The following DLD variants were observed in gnomAD, a reference collection of about 807,000 sequenced individuals.
DLD encodes the protein dihydrolipoamide dehydrogenase.
Under a neutral mutation model 62.2 loss-of-function variants are expected in DLD, and 36 were observed. The observed-to-expected ratio is 0.58, with a 90% CI of 0.44 to 0.76. The LOEUF (loss-of-function observed/expected upper bound fraction) is 0.76, where lower values mean the gene tolerates loss of function less well. Ranked by LOEUF, DLD falls within the 30% of genes least tolerant of loss-of-function variation. The probability of loss-of-function intolerance (pLI) is 0.00; values close to 1 mark genes in which losing one functional copy is unlikely to be tolerated. For missense variants in DLD, 541 were observed against 608.6 expected (o/e 0.89, Z 1.17); for synonymous variants, 204 against 199.6 (o/e 1.02, Z -0.19).
At chr7:107,900,287 T>A (rs1289595453) in intron 2 of DLD, among the ~76,000 whole-genome samples, 2 of 152,138 alleles carry the variant, frequency 1.3e-5, no homozygotes, top group African/African-American at 2.4e-5. Context: ...TTTTGAATGA[T>A]CCTACTCTAG....
intron 5 of DLD, chr7:107,903,877 G>C: frequency 3.6e-6 from 1 of 275,156 alleles, no homozygotes; most frequent in South Asian, 3.8e-5. Context: ...CACTGAGAAG[G>C]CTGGATTCCT....
At chr7:107,910,319 C>T (rs1298742144) in intron 8 of DLD, among the ~76,000 whole-genome samples, 1 of 152,152 alleles carries the variant, frequency 6.6e-6, no homozygotes, top group Admixed American at 6.6e-5. Context: ...TATCTCGAAG[C>T]AATAATTCTA....
At chr7:107,893,619 A>G (rs1160755409) in intron 2 of DLD, 3 of 182,762 alleles carry the variant, frequency 1.6e-5, no homozygotes, top group East Asian at 3.2e-4. Context: ...TTCTGAGGAG[A>G]TGATGTCTGG....
chr7:107,898,804 G>A (rs1006414787), intron 2 of DLD, among the ~76,000 whole-genome samples: 5 of 150,538 alleles, frequency 3.3e-5, no homozygotes, highest in Non-Finnish European at 7.4e-5. Flanking sequence ...TTGATCTCCT[G>A]ACCTCGTGAT....
intron 2 of DLD, among the ~76,000 whole-genome samples, chr7:107,897,943 G>T (rs577202324): frequency 1.5e-4 from 23 of 152,086 alleles, no homozygotes; most frequent in Non-Finnish European, 3.4e-4. Context: ...GTGGTAGCCT[G>T]GATAACCAGG....
chr7:107,905,630 A>G, intron 7 of DLD, 126 bp downstream of exon 7: 2 of 1,040,682 alleles, frequency 1.9e-6, no homozygotes, highest in Non-Finnish European at 2.9e-6. Flanking sequence ...ATGGTCATTC[A>G]GCTTTGGGAA....
At chr7:107,906,691 A>G (rs1439514453) in intron 8 of DLD, among the ~76,000 whole-genome samples, 1 of 152,182 alleles carries the variant, frequency 6.6e-6, no homozygotes, top group Non-Finnish European at 1.5e-5. Context: ...TGCATTCCAA[A>G]TAAAGATTAT....
At chr7:107,892,857 A>G (rs1335400773) in intron 1 of DLD, among the ~76,000 whole-genome samples, 1 of 152,196 alleles carries the variant, frequency 6.6e-6, no homozygotes, top group African/African-American at 2.4e-5. Flanking sequence ...TCAGAGCTTT[A>G]TGACATTAAA....
intron 2 of DLD, among the ~76,000 whole-genome samples, chr7:107,895,874 A>G (rs997493695): frequency 2.0e-5 from 3 of 152,206 alleles, no homozygotes; most frequent in Admixed American, 6.5e-5. Flanking sequence ...TCATTTATAT[A>G]TACACACACA....
At chr7:107,917,855 AGAT>A (rs1387103546) in intron 11 of DLD, 66 bp from the exon 12 acceptor site, 115 of 1,584,642 alleles carry the variant, frequency 7.3e-5, no homozygotes, top group Middle Eastern at 3.3e-4. Context: ...AACAAATGGT[AGAT>A]GATTTTACAA....
At chr7:107,913,584 A>G (rs760470949) in intron 8 of DLD, among the ~76,000 whole-genome samples, 3 of 150,770 alleles carry the variant, frequency 2.0e-5, no homozygotes, top group Non-Finnish European at 4.4e-5. Context: ...TTGATTTTGT[A>G]TCCTGCAACT....
At chr7:107,904,461 A>G (rs2031954418) in intron 5 of DLD, among the ~76,000 whole-genome samples, 1 of 152,164 alleles carries the variant, frequency 6.6e-6, no homozygotes, top group Admixed American at 6.5e-5. Flanking sequence ...TTTTTATCTA[A>G]TACTGTTGCT....
intron 8 of DLD, among the ~76,000 whole-genome samples, chr7:107,908,457 C>G (rs2032061637): frequency 6.6e-6 from 1 of 151,716 alleles, no homozygotes; most frequent in African/African-American, 2.4e-5. Flanking sequence ...TGCTTAAGCC[C>G]AAGAGTTTGA....
Position 107,893,265 on chromosome 7 carries a change from C to T in DLD, c.105C>T (p.Tyr35=), listed in dbSNP as rs747810875. 7.8e-5 allele frequency: 125 copies of T among 1,612,506 alleles called. No individual in the cohort carries two copies. The highest frequency in any genetic ancestry group is 9.8e-5 in the Non-Finnish European group (115 of 1,179,182). ...TTTCTGCAGTGCCTCTGAGAACTTACGCAGATCAGCCGAGTAAGTACTTAA... is the reference window on the plus strand; with the variant it reads ...TTTCTGCAGTGCCTCTGAGAACTTATGCAGATCAGCCGAGTAAGTACTTAA... ...QGLSAVPLRT[Y]ADQPIDADVT... is the part of the protein sequence containing the mutation. The change falls in exon 2 of 14, where the codon TAC becomes TAT. Residue 35 remains tyrosine (Y), a synonymous_variant. Coordinates refer to ENST00000205402, the MANE Select transcript of DLD (RefSeq NM_000108.5).
intron 8 of DLD, among the ~76,000 whole-genome samples, chr7:107,911,093 C>T (rs148587241): frequency 4.7e-4 from 71 of 152,252 alleles, no homozygotes; most frequent in Admixed American, 1.2e-3. Flanking sequence ...CATTGTCTAA[C>T]TCTAGAACAT....
intron 11 of DLD, 131 bp from the exon 12 acceptor site, chr7:107,917,793 C>G: frequency 8.4e-7 from 1 of 1,194,120 alleles, no homozygotes; most frequent in Non-Finnish European, 1.2e-6. Context: ...CTGGTCTTTC[C>G]TTTCCTTCTA....
chr7:107,908,106 G>C (rs1194501441), intron 8 of DLD, among the ~76,000 whole-genome samples: 1 of 150,684 alleles, frequency 6.6e-6, no homozygotes, highest in Non-Finnish European at 1.5e-5. Context: ...TATTATGCAA[G>C]TTCCCCTTTC....
chr7:107,915,741 T>C (rs748561739), intron 9 of DLD, 45 bp downstream of exon 9: 2 of 1,547,984 alleles, frequency 1.3e-6, no homozygotes, highest in African/African-American at 1.4e-5. Flanking sequence ...CCTGTCTCTT[T>C]AAGCAAAACA....
intron 8 of DLD, among the ~76,000 whole-genome samples, chr7:107,907,091 C>T (rs1455259112): frequency 3.3e-5 from 5 of 152,236 alleles, no homozygotes; most frequent in Admixed American, 6.5e-5. Flanking sequence ...ATCTTGACTG[C>T]GTTCCTGATC....
Sources: gnomAD v4.1 joint callset for allele counts (sites outside exome capture counted in the v4.1 genomes callset) on GRCh38, gnomAD v4.1.1 for gene constraint, MANE v1.5 for transcripts, NCBI Gene and HGNC (gene_info 2026-07-23, HGNC 2026-07-21) for gene names.